UCHL5: variants seen among roughly 807,000 people sequenced by gnomAD.
The protein encoded by UCHL5 is ubiquitin C-terminal hydrolase L5.
A neutral mutation model predicts 53.8 loss-of-function variants in UCHL5; 34 were observed. The ratio of observed to expected loss-of-function variants is 0.63; its 90% CI spans 0.48 to 0.84. UCHL5 has a LOEUF of 0.84. UCHL5 is among the 40% of genes least tolerant of loss of function. The pLI is 0.00. For missense variants in UCHL5, 290 were observed against 385.6 expected (o/e 0.75, Z 2.08); for synonymous variants, 111 against 126.3 (o/e 0.88, Z 0.81).
chr1:193,055,949 T>C (rs1296986007), intron 1 of UCHL5, among the ~76,000 whole-genome samples: 1 of 152,184 alleles, frequency 6.6e-6, no homozygotes, highest in African/African-American at 2.4e-5. Flanking sequence ...GAAGAGTTTA[T>C]GTAGAATTGG....
At chr1:193,020,958 A>G in intron 10 of UCHL5, 139 bp downstream of exon 10, 1 of 626,428 alleles carries the variant, frequency 1.6e-6, no homozygotes. Flanking sequence ...CAGAGTAGAA[A>G]ACAAGAGGCA....
chr1:193,059,969 G>A (rs772609432), upstream of UCHL5: 1 of 1,366,444 alleles, frequency 7.3e-7, no homozygotes. The surrounding 1 kb of genome is among the most constrained non-coding windows in gnomAD (Gnocchi z 4.9). Context: ...ATCGCGGTAG[G>A]GACATCCTCG....
rs191265564 is a variant in UCHL5, at chr1:193,012,577, T to C, written c.*3774A>G. 3.3e-5 allele frequency: 5 copies of C among 152,314 alleles called. No homozygotes were observed. The highest frequency in any genetic ancestry group is 5.9e-5 in the Non-Finnish European group (4 of 68,014). The allele number at this position is 152,314 out of a possible 1,614,324, so 9.4% of individuals were successfully genotyped here. ...TATATGCCTATATGCAATCCACTTG[T>C]ACAGTGCTAGTTCAGTACTAGAGAA... On this transcript the variant is annotated 3_prime_UTR_variant, in exon 11 of 11. Transcript: ENST00000367454.
intron 1 of UCHL5, among the ~76,000 whole-genome samples, chr1:193,056,631 A>T (rs1296147574): frequency 6.6e-6 from 1 of 152,204 alleles, no homozygotes; most frequent in Non-Finnish European, 1.5e-5. Flanking sequence ...ATGATACTAC[A>T]TTCTACCAAA....
chr1:193,028,743 G>C (rs1168626345), intron 6 of UCHL5, among the ~76,000 whole-genome samples: 1 of 152,040 alleles, frequency 6.6e-6, no homozygotes, highest in Non-Finnish European at 1.5e-5. Flanking sequence ...TATTTAAATA[G>C]AGAAATTTTA....
At chr1:193,019,300 T>C (rs1656026159) in intron 10 of UCHL5, among the ~76,000 whole-genome samples, 1 of 151,652 alleles carries the variant, frequency 6.6e-6, no homozygotes, top group Admixed American at 6.6e-5. Context: ...TACCATGAGT[T>C]GCTTAAGAGA....
chr1:193,022,969 T>G lies in UCHL5; in HGVS notation c.800A>C (p.Gln267Pro). 6.2e-7 allele frequency: 1 copy of G among 1,613,296 alleles called. No individual in the cohort carries two copies. Among genetic ancestry groups the G allele is most frequent in the Non-Finnish European group, 8.5e-7 (1 of 1,179,572 alleles). ...SAIQSEVAKN[Q>P]MLIEEEVQKL... ...CTGTACTTCTTCTTCAATAAGCATCTGATTTTTGGCAACTTCTGACTGAAT... is the reference window on the plus strand; with the variant it reads ...CTGTACTTCTTCTTCAATAAGCATCGGATTTTTGGCAACTTCTGACTGAAT... Residue 267 changes from glutamine (Q) to proline (P), a missense_variant, in exon 9 of 11, where the codon CAG (glutamine) becomes CCG (proline). By Grantham distance (76) the Gln-to-Pro change is moderately conservative. Coordinates refer to ENST00000367454, the MANE Select transcript of UCHL5 (RefSeq NM_001199261.3).
chr1:193,056,143 A>G (rs1670562842), intron 1 of UCHL5, among the ~76,000 whole-genome samples: 1 of 152,186 alleles, frequency 6.6e-6, no homozygotes, highest in African/African-American at 2.4e-5. Context: ...TGTACATTTC[A>G]TCTAAATTGT....
intron 3 of UCHL5, among the ~76,000 whole-genome samples, chr1:193,042,527 C>T (rs1184279631): frequency 1.3e-5 from 2 of 152,212 alleles, no homozygotes; most frequent in East Asian, 1.9e-4. Context: ...CCTCCGTCCT[C>T]ACATCTAATC....
rs1293400179 is a variant in UCHL5 at position 193,012,833 on chromosome 1, T to C, written c.*3518A>G. On this transcript the variant is annotated 3_prime_UTR_variant, in exon 11 of 11. Transcript: ENST00000367454. ...TCTAGAACAACTCAGATGTACCTCA[T>C]AAGATTGGCTGAATAAATCACTGAA... 6.6e-6 allele frequency: 1 copy of C among 152,194 alleles called. No individual in the cohort carries two copies. The highest frequency in any genetic ancestry group is 1.5e-5 in the Non-Finnish European group (1 of 68,026). 9.4% of individuals were successfully genotyped at this position (152,194 alleles called of 1,614,324 possible). A position where few individuals can be genotyped will look rare whatever the true frequency, so the allele number is the denominator to read the frequency against.
intron 3 of UCHL5, among the ~76,000 whole-genome samples, chr1:193,032,839 G>A (rs1464434950): frequency 5.3e-5 from 8 of 152,130 alleles, no homozygotes; most frequent in Admixed American, 4.6e-4. Context: ...ACCATCTCAC[G>A]CCAGTTAGAA....
intron 3 of UCHL5, among the ~76,000 whole-genome samples, chr1:193,039,175 C>A (rs1664679990): frequency 6.6e-6 from 1 of 152,082 alleles, no homozygotes; most frequent in Admixed American, 6.5e-5. Flanking sequence ...CCAAGGCGGG[C>A]AGATCACTTG....
chr1:193,025,876 A>G (rs187540541), intron 7 of UCHL5, among the ~76,000 whole-genome samples: 1 of 152,292 alleles, frequency 6.6e-6, no homozygotes, highest in East Asian at 1.9e-4. Context: ...AATGAAAGGC[A>G]TCGGTCTACC....
intron 1 of UCHL5, among the ~76,000 whole-genome samples, chr1:193,053,326 A>G (rs922449401): frequency 1.1e-4 from 16 of 152,220 alleles, no homozygotes; most frequent in Non-Finnish European, 1.9e-4. Flanking sequence ...ATTCTACATC[A>G]TACCACAACA....
chr1:193,060,038 G>A, upstream of UCHL5: 1 of 1,345,740 alleles, frequency 7.4e-7, no homozygotes. Context: ...GACCGCTCCT[G>A]CTTGTCGGCA....
Position 193,014,698 on chromosome 1 carries a change from G to T in UCHL5, c.*1653C>A, listed in dbSNP as rs1047132478. The stretch of plus-strand genomic sequence containing the variant: ...CTATTCTGGCTCCATTTGTTGAAAA[G>T]ACTTTCCTTCTCTGTTGAATTGTTT... On this transcript the variant is annotated 3_prime_UTR_variant, in exon 11 of 11. Coordinates refer to ENST00000367454, the MANE Select transcript of UCHL5 (RefSeq NM_001199261.3). 2.6e-5 allele frequency: 4 copies of T among 152,114 alleles called. No individual in the cohort carries two copies. Among genetic ancestry groups the T allele is most frequent in the Admixed American group, 6.6e-5 (1 of 15,264 alleles). The allele number at this position is 152,114 out of a possible 1,614,324, so 9.4% of individuals were successfully genotyped here.
chr1:193,056,767 G>T (rs988253586), intron 1 of UCHL5, among the ~76,000 whole-genome samples: 17 of 152,112 alleles, frequency 1.1e-4, no homozygotes, highest in African/African-American at 3.6e-4. Context: ...ACAGCCAAAA[G>T]CTTTTTTAAA....
At chr1:193,029,700 T>TA in intron 3 of UCHL5, 43 bp from the exon 4 acceptor site, 1 of 1,500,824 alleles carries the variant, frequency 6.7e-7, no homozygotes, top group Non-Finnish European at 8.9e-7. Flanking sequence ...TTTAAAAAAA[T>TA]AAAAAATGGT....
chr1:193,055,155 C>A (rs541655287), intron 1 of UCHL5, among the ~76,000 whole-genome samples: 3 of 152,278 alleles, frequency 2.0e-5, no homozygotes, highest in Admixed American at 6.5e-5. Flanking sequence ...ACGTCTTCTG[C>A]AAGGAATTAC....
Sources: allele counts gnomAD v4.1 joint callset (sites outside exome capture counted in the v4.1 genomes callset), GRCh38; gene constraint gnomAD v4.1.1; non-coding constraint Gnocchi (gnomAD v3.1); transcripts MANE v1.5; gene names NCBI Gene and HGNC (gene_info 2026-07-23, HGNC 2026-07-21).